NGEF: variants seen among roughly 807,000 people sequenced by gnomAD.
The protein encoded by NGEF is ephexin-1.
Under a neutral mutation model 80.9 loss-of-function variants are expected in NGEF, and 31 were observed. That is an observed-to-expected ratio of 0.38 (90% CI 0.29 to 0.52). NGEF has a LOEUF of 0.52. NGEF is among the 20% of genes least tolerant of loss of function. NGEF has a pLI of 0.84. For missense variants in NGEF, 709 were observed against 926.2 expected, an observed-to-expected ratio of 0.77 and a Z score of 3.04; for synonymous variants, 371 against 370.2, an observed-to-expected ratio of 1.00 and a Z score of -0.03.
chr2:232,993,021 G>C (rs4036507), intron 1 of NGEF, among the ~76,000 whole-genome samples: 1 of 118,516 alleles, frequency 8.4e-6, no homozygotes, highest in Admixed American at 9.0e-5. Flanking sequence ...ACACACACAC[G>C]CACATAAATA....
chr2:232,985,453 C>T (rs1338514304), intron 1 of NGEF, among the ~76,000 whole-genome samples: 1 of 151,996 alleles, frequency 6.6e-6, no homozygotes, highest in Non-Finnish European at 1.5e-5. Context: ...CCCATCTCTA[C>T]TAAAAATACA....
chr2:232,991,900 A>G (rs1262108529), intron 1 of NGEF, among the ~76,000 whole-genome samples: 3 of 152,202 alleles, frequency 2.0e-5, no homozygotes, highest in Admixed American at 1.3e-4. Context: ...AGAGAATAGA[A>G]TTGGGTATCC....
intron 11 of NGEF, 44 bp downstream of exon 11, chr2:232,883,926 GCCCAACACACT>G: frequency 6.6e-7 from 1 of 1,522,226 alleles, no homozygotes; most frequent in Non-Finnish European, 8.8e-7. Context: ...CAAACCCAAT[GCCCAACACACT>G]CCTCTACCCA....
intron 1 of NGEF, among the ~76,000 whole-genome samples, chr2:232,999,970 A>G (rs1325068516): frequency 2.0e-5 from 3 of 152,244 alleles, no homozygotes; most frequent in African/African-American, 7.2e-5. Context: ...TAACACTGCC[A>G]TAAAAAATAC....
At chr2:232,983,309 C>T (rs1382648190) in intron 1 of NGEF, among the ~76,000 whole-genome samples, 1 of 151,796 alleles carries the variant, frequency 6.6e-6, no homozygotes, top group African/African-American at 2.4e-5. Context: ...CACTTGGGGG[C>T]GTCGGCTTCG....
At chr2:232,948,114 G>A (rs1280162273) in intron 3 of NGEF, among the ~76,000 whole-genome samples, 1 of 151,508 alleles carries the variant, frequency 6.6e-6, no homozygotes, top group African/African-American at 2.4e-5. Context: ...AGGACAATTG[G>A]GGGCCATGGG....
chr2:232,993,128 T>G (rs945872638), intron 1 of NGEF, among the ~76,000 whole-genome samples: 2 of 122,760 alleles, frequency 1.6e-5, no homozygotes, highest in Admixed American at 8.9e-5. Flanking sequence ...TAAATAAATA[T>G]ATATTTATTT....
chr2:232,953,066 G>A (rs1466465464), intron 3 of NGEF, among the ~76,000 whole-genome samples: 1 of 150,718 alleles, frequency 6.6e-6, no homozygotes, highest in Non-Finnish European at 1.5e-5. Context: ...CACTTTGGGA[G>A]GCCAAGGTGG....
At chr2:232,933,704 T>C (rs1415650414) in intron 3 of NGEF, among the ~76,000 whole-genome samples, 1 of 152,188 alleles carries the variant, frequency 6.6e-6, no homozygotes, top group Non-Finnish European at 1.5e-5. Context: ...CTCTGCACAG[T>C]TCTCCAGGTT....
chr2:232,879,440 T>G lies in NGEF; in HGVS notation c.*49A>C. 28 of 1,123,510 alleles carry G rather than the reference T, an allele frequency of 2.5e-5. No homozygotes were observed. The highest frequency in any genetic ancestry group is 5.1e-5 in the South Asian group (3 of 59,366). The allele number at this position is 1,123,510 out of a possible 1,614,324, so 69.6% of individuals were successfully genotyped here. On this transcript the variant is annotated 3_prime_UTR_variant, in exon 15 of 15. Coordinates refer to ENST00000264051, the MANE Select transcript of NGEF (RefSeq NM_019850.3). ...CCAGAGCCCCCCCCCCCCCACCTTC[T>G]GTCGGGGTCTCATGCAGGCCCTGCT...
intron 2 of NGEF, among the ~76,000 whole-genome samples, chr2:232,971,458 G>A (rs567984683): frequency 1.3e-5 from 2 of 152,320 alleles, no homozygotes; most frequent in East Asian, 3.9e-4. Flanking sequence ...GCTGAGGTGG[G>A]CGGATCACTT....
At chr2:232,940,062 T>C (rs1384686311) in intron 3 of NGEF, among the ~76,000 whole-genome samples, 1 of 152,080 alleles carries the variant, frequency 6.6e-6, no homozygotes, top group Non-Finnish European at 1.5e-5. Context: ...TGGGTCCGTC[T>C]AGGAGAGATG....
chr2:232,927,858 G>C, intron 3 of NGEF: 1 of 1,241,040 alleles, frequency 8.1e-7, no homozygotes. Flanking sequence ...ACGCGGGGGC[G>C]GCGCGCCGGG....
intron 3 of NGEF, among the ~76,000 whole-genome samples, chr2:232,967,860 G>A (rs1482632570): frequency 1.3e-5 from 2 of 152,070 alleles, no homozygotes; most frequent in African/African-American, 2.4e-5. Flanking sequence ...CAGTTTCCCT[G>A]TAGCCATCCA....
At chr2:232,962,822 ATTTAAG>A (rs1553555032) in intron 3 of NGEF, among the ~76,000 whole-genome samples, 1 of 151,748 alleles carries the variant, frequency 6.6e-6, no homozygotes, top group Non-Finnish European at 1.5e-5. Context: ...AGTTTGAACA[ATTTAAG>A]TTGCCAATAT....
chr2:232,911,799 T>C (rs1007119041), intron 5 of NGEF, among the ~76,000 whole-genome samples: 1 of 152,222 alleles, frequency 6.6e-6, no homozygotes, highest in African/African-American at 2.4e-5. Context: ...TTGTTTCTAA[T>C]TGTTCATTGC....
At chr2:232,921,278 T>G (rs140119045) in intron 4 of NGEF, among the ~76,000 whole-genome samples, 5 of 152,042 alleles carry the variant, frequency 3.3e-5, no homozygotes, top group Admixed American at 6.5e-5. Flanking sequence ...GGCAGCCATG[T>G]TGGGGTTGGG....
Position 232,881,257 on chromosome 2 carries a change from G to T in NGEF, c.1838-7C>A. 1 of 1,603,800 alleles carries T rather than the reference G, an allele frequency of 6.2e-7. No homozygotes were observed. Among genetic ancestry groups the T allele is most frequent in the Non-Finnish European group, 8.5e-7 (1 of 1,178,808 alleles). On this transcript the variant is annotated splice_region_variant and splice_polypyrimidine_tract_variant and intron_variant, in intron 13 of 14. Transcript: ENST00000264051. ...CACTGGACCTGGGGGCAGTCTGAGG[G>T]ACAAGAGGCACGGGCACATCCCCAC...
chr2:232,943,960 C>T (rs1287011054), intron 3 of NGEF, among the ~76,000 whole-genome samples: 2 of 151,746 alleles, frequency 1.3e-5, no homozygotes, highest in South Asian at 2.1e-4. Context: ...AGGCCGGGCG[C>T]GGTGGCTCAC....
Sources: gnomAD v4.1 joint callset for allele counts (sites outside exome capture counted in the v4.1 genomes callset) on GRCh38, gnomAD v4.1.1 for gene constraint, MANE v1.5 for transcripts, NCBI Gene and HGNC (gene_info 2026-07-23, HGNC 2026-07-21) for gene names.